Variants in TMPRSS15 observed in about 807,000 individuals in gnomAD.
The protein encoded by TMPRSS15 is transmembrane serine protease 15, also known as enteropeptidase.
A neutral mutation model predicts 125.3 loss-of-function variants in TMPRSS15; 128 were observed. The observed-to-expected ratio is 1.02, with a 90% confidence interval of 0.89 to 1.18. TMPRSS15 has a LOEUF of 1.18. TMPRSS15 is among the 50% of genes most tolerant of loss of function. The probability of loss-of-function intolerance (pLI) is 0.00; values close to 1 mark genes in which losing one functional copy is unlikely to be tolerated. For synonymous variants in TMPRSS15, 446 were observed against 423.2 expected, an observed-to-expected ratio of 1.05 and a Z score of -0.66; for missense variants, 1,283 against 1,212.7, an observed-to-expected ratio of 1.06 and a Z score of -0.86.
intron 12 of TMPRSS15, 50 bp from the exon 13 acceptor site, chr21:18,341,598 T>A (rs189301007): frequency 3.2e-5 from 52 of 1,600,474 alleles, no homozygotes; most frequent in Non-Finnish European, 4.4e-5. Flanking sequence ...TCTAATCTTC[T>A]CTGACTTGAT....
At chr21:18,462,539 GAATAACATTGTTAA>G (rs1214662875) in intron 1 of TMPRSS15, among the ~76,000 whole-genome samples, 2 of 151,658 alleles carry the variant, frequency 1.3e-5, no homozygotes, top group Non-Finnish European at 2.9e-5. Context: ...CATTATATTT[GAATAACATTGTTAA>G]AATAAAATAA....
intron 21 of TMPRSS15, among the ~76,000 whole-genome samples, chr21:18,283,345 T>C (rs2074723853): frequency 8.1e-6 from 1 of 123,356 alleles, no homozygotes; most frequent in Non-Finnish European, 1.7e-5. Context: ...GTAGTTACTT[T>C]ATTTTAAAAA....
At chr21:18,459,537 G>T (rs532066377) in intron 1 of TMPRSS15, among the ~76,000 whole-genome samples, 1 of 152,270 alleles carries the variant, frequency 6.6e-6, no homozygotes, top group Admixed American at 6.5e-5. Flanking sequence ...TCCTCCCAAA[G>T]TGCTGGGATT....
rs192203947 is a variant in TMPRSS15 at position 18,293,735 on chromosome 21, C to G, written c.2486+535G>C. On this transcript the variant is annotated intron_variant, in intron 21 of 24. Coordinates refer to ENST00000284885, the MANE Select transcript of TMPRSS15 (RefSeq NM_002772.3). ...GAGTCAGATACGGTTGATATTAGTT[C>G]TAAATTTCAGTTAATAGGTAGCAAT... Among the ~76,000 whole-genome samples the G allele has an allele frequency of 3.3e-5, 5 of 152,278 alleles. No individual in the cohort carries two copies. The East Asian group carries it at 9.7e-4, about 29-fold the overall frequency.
At chr21:18,439,866 C>G (rs1045023785) in intron 1 of TMPRSS15, among the ~76,000 whole-genome samples, 9 of 152,104 alleles carry the variant, frequency 5.9e-5, no homozygotes, top group African/African-American at 2.2e-4. Flanking sequence ...AGAGATTTAT[C>G]GAAAGCTAGA....
In TMPRSS15 at chr21:18,372,343, A is replaced by C. The variant is rs746209618; in HGVS notation, c.533-19T>G. 6.2e-7 allele frequency: 1 copy of C among 1,610,152 alleles called. No homozygotes were observed. Among genetic ancestry groups the C allele is most frequent in the Admixed American group, 1.7e-5 (1 of 59,944 alleles). On this transcript the variant is annotated intron_variant, in intron 5 of 24. Transcript: ENST00000284885. ...ACATTTCCTTTAAAAAATAACTGAAATTAATTTCCAATTGATGAGATATGT... is the reference window on the plus strand; with the variant it reads ...ACATTTCCTTTAAAAAATAACTGAACTTAATTTCCAATTGATGAGATATGT...
intron 1 of TMPRSS15, among the ~76,000 whole-genome samples, chr21:18,466,969 T>G (rs1978675696): frequency 6.6e-6 from 1 of 152,208 alleles, no homozygotes. Flanking sequence ...TGTATGTTTA[T>G]TGCAGCACTG....
At chr21:18,307,370 G>C in intron 18 of TMPRSS15, among the ~76,000 whole-genome samples, 1 of 152,298 alleles carries the variant, frequency 6.6e-6, no homozygotes, top group South Asian at 2.1e-4. Context: ...ACTACGATTC[G>C]TGGGAAATGG....
intron 1 of TMPRSS15, among the ~76,000 whole-genome samples, chr21:18,420,392 G>A (rs2076189784): frequency 6.6e-6 from 1 of 152,070 alleles, no homozygotes; most frequent in Non-Finnish European, 1.5e-5. Context: ...AGAACACAAA[G>A]TCTATTGAAT....
rs374412563 is a variant in TMPRSS15 at position 18,397,935 on chromosome 21, G to T, written c.288C>A (p.Ile96=). 5.3e-6 allele frequency: 8 copies of T among 1,523,426 alleles called. No homozygotes were observed. The African/African-American group carries it at 1.1e-4, about 21-fold the overall frequency. 94.4% of individuals were successfully genotyped at this position (1,523,426 alleles called of 1,614,324 possible). The stretch of plus-strand genomic sequence containing the variant: ...CATTCTTCAGATTGCTTGATAGAAA[G>T]ATCTCATCTATCTAGAAAAATATAA... ...AFDLQQMIDE[I]FLSSNLKNEY... Residue 96 remains isoleucine, a synonymous_variant, in exon 3 of 25, where the codon ATC becomes ATA. Transcript: ENST00000284885.
At chr21:18,355,748 A>T (rs2075618601) in intron 8 of TMPRSS15, among the ~76,000 whole-genome samples, 1 of 151,860 alleles carries the variant, frequency 6.6e-6, no homozygotes, top group African/African-American at 2.4e-5. Flanking sequence ...AGTGACTGGT[A>T]TATACTAAAT....
At chr21:18,473,641 T>C (rs895202528) in intron 1 of TMPRSS15, among the ~76,000 whole-genome samples, 2 of 152,108 alleles carry the variant, frequency 1.3e-5, no homozygotes, top group African/African-American at 2.4e-5. Flanking sequence ...AGGATTCTTA[T>C]AGCAGCTCTA....
At chr21:18,278,027 T>C (rs2074642597) in intron 23 of TMPRSS15, among the ~76,000 whole-genome samples, 1 of 152,178 alleles carries the variant, frequency 6.6e-6, no homozygotes, top group South Asian at 2.1e-4. Context: ...ATGCTGGGGG[T>C]GAATGGTGTA....
At chr21:18,440,144 A>G (rs760786660) in intron 1 of TMPRSS15, among the ~76,000 whole-genome samples, 7 of 151,674 alleles carry the variant, frequency 4.6e-5, no homozygotes, top group Non-Finnish European at 1.0e-4. Context: ...GGAGGCCGAG[A>G]CGGGCGGATC....
At chr21:18,282,984 T>C (rs2074719447) in intron 21 of TMPRSS15, among the ~76,000 whole-genome samples, 1 of 152,152 alleles carries the variant, frequency 6.6e-6, no homozygotes, top group African/African-American at 2.4e-5. Flanking sequence ...TCTCTGCTCC[T>C]AGTGGTTGGT....
intron 1 of TMPRSS15, among the ~76,000 whole-genome samples, chr21:18,417,850 C>T (rs1434411991): frequency 6.6e-6 from 1 of 152,146 alleles, no homozygotes; most frequent in East Asian, 1.9e-4. Context: ...AACACGTATA[C>T]ACACAATCAC....
intron 7 of TMPRSS15, among the ~76,000 whole-genome samples, chr21:18,364,912 C>A (rs570640313): frequency 6.6e-6 from 1 of 152,228 alleles, no homozygotes; most frequent in Non-Finnish European, 1.5e-5. Context: ...GCTTCAGAAC[C>A]CAATGAGATG....
At chr21:18,393,321 T>TAAA (rs897211418) in intron 3 of TMPRSS15, among the ~76,000 whole-genome samples, 27 of 152,136 alleles carry the variant, frequency 1.8e-4, no homozygotes, top group Admixed American at 1.3e-3. Context: ...GTGATAATAA[T>TAAA]AAAGCATGTT....
chr21:18,375,411 C>A (rs1178799530), intron 5 of TMPRSS15, among the ~76,000 whole-genome samples: 1 of 152,142 alleles, frequency 6.6e-6, no homozygotes, highest in African/African-American at 2.4e-5. Flanking sequence ...GTTTGTATTT[C>A]ATTACTTAAT....
Sources: allele counts gnomAD v4.1 joint callset (sites outside exome capture counted in the v4.1 genomes callset), GRCh38; gene constraint gnomAD v4.1.1; transcripts MANE v1.5; gene names NCBI Gene and HGNC (gene_info 2026-07-23, HGNC 2026-07-21).